NT5C2: variants seen among roughly 807,000 people sequenced by gnomAD.
NT5C2 encodes cytosolic purine 5'-nucleotidase.
In NT5C2, 58 loss-of-function variants were observed where a neutral mutation model predicts 76.1. That is an observed-to-expected ratio of 0.76 (90% confidence interval 0.62 to 0.95). The LOEUF (loss-of-function observed/expected upper bound fraction) is 0.95. Ranked by LOEUF, NT5C2 falls within the 40% of genes least tolerant of loss-of-function variation. The pLI is 0.00. For missense variants in NT5C2, 478 were observed against 690.3 expected (o/e 0.69, Z 3.45); for synonymous variants, 229 against 237.4 (o/e 0.96, Z 0.32).
chr10:103,186,167 C>G (rs568038425), intron 1 of NT5C2, among the ~76,000 whole-genome samples: 3 of 152,198 alleles, frequency 2.0e-5, no homozygotes, highest in East Asian at 3.8e-4. Flanking sequence ...CGTTCAAAAC[C>G]TGGCTCTAAC....
intron 3 of NT5C2, chr10:103,146,098 A>G (rs768670045): frequency 1.5e-4 from 147 of 985,354 alleles, no homozygotes; most frequent in Non-Finnish European, 1.7e-4. Flanking sequence ...TTGAAGTCAC[A>G]TAACAAAATT....
chr10:103,091,280 C>T (rs913656243), intron 16 of NT5C2, among the ~76,000 whole-genome samples: 1 of 152,088 alleles, frequency 6.6e-6, no homozygotes, highest in Non-Finnish European at 1.5e-5. Context: ...CCTCAAGCAA[C>T]CCGCCTGCCT....
At chr10:103,160,767 C>A (rs2084651117) in intron 3 of NT5C2, among the ~76,000 whole-genome samples, 1 of 152,166 alleles carries the variant, frequency 6.6e-6, no homozygotes, top group African/African-American at 2.4e-5. Flanking sequence ...GTAATCCCAG[C>A]ATTTTGGGAG....
At chr10:103,158,332 G>C (rs553366665) in intron 3 of NT5C2, among the ~76,000 whole-genome samples, 1 of 151,580 alleles carries the variant, frequency 6.6e-6, no homozygotes, top group Non-Finnish European at 1.5e-5. Flanking sequence ...AGAAAAAGAA[G>C]AACAAAATCA....
At chr10:103,176,845 C>T (rs914003458) in intron 2 of NT5C2, among the ~76,000 whole-genome samples, 1 of 152,166 alleles carries the variant, frequency 6.6e-6, no homozygotes, top group Non-Finnish European at 1.5e-5. Flanking sequence ...CATGTGGAAA[C>T]CTCCAGCTTG....
Position 103,089,588 on chromosome 10 carries a change from T to TAGAACCCTAA in NT5C2, c.*74_*83dup. ...CATGGAGCCCCCTCCCTCCCCCGAG[T>TAGAACCCTAA]AGAACCCTAACAGGGACCTCGTTTG... is the stretch of plus-strand genomic sequence containing the variant. On this transcript the variant is annotated 3_prime_UTR_variant, in exon 19 of 19. Coordinates refer to ENST00000404739, the MANE Select transcript of NT5C2 (RefSeq NM_001351169.2). The TAGAACCCTAA allele has an allele frequency of 1.4e-6, 2 of 1,453,544 alleles. No individual in the cohort carries two copies. Among genetic ancestry groups the TAGAACCCTAA allele is most frequent in the Non-Finnish European group, 1.8e-6 (2 of 1,101,496 alleles). 90.0% of individuals were successfully genotyped at this position (1,453,544 alleles called of 1,614,324 possible). A position where few individuals can be genotyped will look rare whatever the true frequency, so the allele number is the denominator to read the frequency against.
intron 3 of NT5C2, among the ~76,000 whole-genome samples, chr10:103,160,007 C>A (rs2084421544): frequency 6.6e-6 from 1 of 152,126 alleles, no homozygotes; most frequent in African/African-American, 2.4e-5. Context: ...TACTACAAAG[C>A]TGCAGTAATC....
intron 4 of NT5C2, among the ~76,000 whole-genome samples, chr10:103,109,049 C>G (rs1349765797): frequency 6.6e-6 from 1 of 151,952 alleles, no homozygotes; most frequent in African/African-American, 2.4e-5. Flanking sequence ...GGGGTTTCAC[C>G]ATGTTGGCCA....
At chr10:103,092,974 T>G (rs1332686135) in intron 15 of NT5C2, among the ~76,000 whole-genome samples, 165 bp downstream of exon 15, 1 of 152,236 alleles carries the variant, frequency 6.6e-6, no homozygotes, top group Admixed American at 6.5e-5. Flanking sequence ...TCTGGAGTTC[T>G]GTGAAATATC....
In NT5C2 at chr10:103,094,471, C is replaced by G. The variant is rs767693894; in HGVS notation, c.814-16G>C. 9.0e-6 allele frequency: 13 copies of G among 1,441,130 alleles called. No individual in the cohort carries two copies. Among genetic ancestry groups the G allele is most frequent in the Non-Finnish European group, 9.8e-6 (10 of 1,023,452 alleles). The allele number at this position is 1,441,130 out of a possible 1,614,324, so 89.3% of individuals were successfully genotyped here. ...AGCTCCCAGGCTGGTGAAGGAGAAA[C>G]AGCAAAAGTTGAAACATCACTCCTT... On this transcript the variant is annotated splice_polypyrimidine_tract_variant and intron_variant, in intron 12 of 18. Coordinates refer to ENST00000404739, the MANE Select transcript of NT5C2 (RefSeq NM_001351169.2).
intron 1 of NT5C2, among the ~76,000 whole-genome samples, chr10:103,185,802 A>G (rs1325977374): frequency 6.6e-6 from 1 of 152,162 alleles, no homozygotes; most frequent in African/African-American, 2.4e-5. Flanking sequence ...AAAAGATAAA[A>G]TCGGAAAGGC....
intron 1 of NT5C2, among the ~76,000 whole-genome samples, chr10:103,189,682 ATTT>A (rs983180088): frequency 6.8e-6 from 1 of 146,304 alleles, no homozygotes; most frequent in Admixed American, 6.9e-5. Flanking sequence ...TGTTTACTGA[ATTT>A]TTTTTTTTTG....
At chr10:103,160,716 T>G (rs2084634842) in intron 3 of NT5C2, among the ~76,000 whole-genome samples, 1 of 152,076 alleles carries the variant, frequency 6.6e-6, no homozygotes, top group African/African-American at 2.4e-5. Context: ...CTCACATGGC[T>G]ATAATTAAAA....
At chr10:103,098,298 G>T in intron 10 of NT5C2, 1 of 252,496 alleles carries the variant, frequency 4.0e-6, no homozygotes. Flanking sequence ...ATTAACCACA[G>T]ATTTTTTAAA....
At chr10:103,180,513 C>G (rs1393249234) in intron 2 of NT5C2, among the ~76,000 whole-genome samples, 2 of 152,160 alleles carry the variant, frequency 1.3e-5, no homozygotes, top group African/African-American at 2.4e-5. Flanking sequence ...GGGTGGATTG[C>G]TTGAACCCAG....
At chr10:103,111,720 T>G in intron 4 of NT5C2, 1 of 1,229,014 alleles carries the variant, frequency 8.1e-7, no homozygotes, top group Non-Finnish European at 1.0e-6. Context: ...CCTAGCAGAG[T>G]GCTGCTGCCA....
chr10:103,157,645 T>A (rs938513218), intron 3 of NT5C2, among the ~76,000 whole-genome samples: 15 of 152,158 alleles, frequency 9.9e-5, no homozygotes, highest in African/African-American at 3.4e-4. Context: ...TACACATTCT[T>A]GTCAAAAGCA....
chr10:103,158,837 G>T (rs1486217226), intron 3 of NT5C2, among the ~76,000 whole-genome samples: 3 of 146,354 alleles, frequency 2.0e-5, no homozygotes, highest in East Asian at 2.0e-4. Flanking sequence ...AAAAAAAGAA[G>T]AATAAAAGCA....
At chr10:103,090,508 T>A in intron 18 of NT5C2, 103 bp downstream of exon 18, 1 of 1,067,494 alleles carries the variant, frequency 9.4e-7, no homozygotes, top group South Asian at 1.6e-5. Context: ...GCTCTGTACA[T>A]CAGAAAGAAA....
Sources: allele counts gnomAD v4.1 joint callset (sites outside exome capture counted in the v4.1 genomes callset), GRCh38; gene constraint gnomAD v4.1.1; transcripts MANE v1.5; gene names NCBI Gene and HGNC (gene_info 2026-07-23, HGNC 2026-07-21).